CFAP43: variants seen among roughly 807,000 people sequenced by gnomAD.
The protein encoded by CFAP43 is cilia and flagella associated protein 43.
In CFAP43, 155 loss-of-function variants were observed where a neutral mutation model predicts 218.9. That is an observed-to-expected ratio of 0.71 (90% CI 0.62 to 0.81). The LOEUF is 0.81. CFAP43 is among the 30% of genes least tolerant of loss of function. CFAP43 has a pLI of 0.00. For synonymous variants in CFAP43, 645 were observed against 681.3 expected, an observed-to-expected ratio of 0.95 and a Z score of 0.83; for missense variants, 1,778 against 1,954.3, an observed-to-expected ratio of 0.91 and a Z score of 1.70.
chr10:104,175,269 AC>A (rs2089584792), intron 19 of CFAP43, among the ~76,000 whole-genome samples: 1 of 152,056 alleles, frequency 6.6e-6, no homozygotes, highest in Admixed American at 6.6e-5. Context: ...TCAAAAAAAT[AC>A]AAAAATTACT....
rs1165698583 is a variant in CFAP43 at position 104,130,222 on chromosome 10, G to A, written c.4915C>T (p.Gln1639Ter). Residue 1639 changes from glutamine (Q) to a stop codon, truncating the protein, a stop_gained, in exon 38 of 38, where the codon CAA (glutamine) becomes TAA (stop). Transcript: ENST00000357060. LOFTEE classifies it high-confidence loss of function. Reference protein sequence around the residue: ...QQQKLTNISKQQAEQISILQT... With the variant: ...QQQKLTNISK The stretch of plus-strand genomic sequence containing the variant: ...AGTATTGAAATCTGTTCAGCTTGTT[G>A]TTTTGAAATATTTGTTAACTTCTGC... 1.2e-6 allele frequency: 2 copies of A among 1,612,786 alleles called. No homozygotes were observed. The highest frequency in any genetic ancestry group is 8.5e-7 in the Non-Finnish European group (1 of 1,179,646).
chr10:104,196,992 T>G, intron 9 of CFAP43, 59 bp from the exon 10 acceptor site: 1 of 1,358,064 alleles, frequency 7.4e-7, no homozygotes, highest in South Asian at 1.3e-5. Flanking sequence ...TATGGAAGCA[T>G]GTTCTACCTC....
At chr10:104,203,835 A>C (rs1316205266) in intron 7 of CFAP43, 32 bp from the exon 8 acceptor site, 4 of 1,565,668 alleles carry the variant, frequency 2.6e-6, no homozygotes, top group Non-Finnish European at 3.4e-6. Flanking sequence ...ATAGAAAATC[A>C]GTCTTAGTCA....
At chr10:104,159,783 G>C (rs924910646) in intron 27 of CFAP43, among the ~76,000 whole-genome samples, 1 of 152,168 alleles carries the variant, frequency 6.6e-6, no homozygotes, top group Non-Finnish European at 1.5e-5. Flanking sequence ...CTAGGATCCT[G>C]CTACTTAAAG....
At chr10:104,200,106 GA>G (rs1414704102) in intron 8 of CFAP43, among the ~76,000 whole-genome samples, 1 of 152,166 alleles carries the variant, frequency 6.6e-6, no homozygotes. Context: ...GGCTCCAGAG[GA>G]AGGTCTTCAG....
At chr10:104,192,833 C>T (rs1038379715) in intron 11 of CFAP43, 1 of 167,560 alleles carries the variant, frequency 6.0e-6, no homozygotes, top group African/African-American at 2.4e-5. Flanking sequence ...GTTATCCATC[C>T]TTCCCCACTG....
At position 104,214,249 on chromosome 10, in the gene CFAP43, A is replaced by T; in HGVS notation, c.584+10T>A. ...CACCATGTTGCTACTGTTGTAACAA[A>T]GGCTCCTACCTTGCTCTGAAACAAT... On this transcript the variant is annotated intron_variant, in intron 4 of 37. Transcript: ENST00000357060. The T allele has an allele frequency of 6.4e-7, 1 of 1,556,344 alleles. No individual in the cohort carries two copies. Among genetic ancestry groups the T allele is most frequent in the Non-Finnish European group, 8.7e-7 (1 of 1,151,394 alleles).
chr10:104,135,137 A>C (rs2087379695), intron 34 of CFAP43, among the ~76,000 whole-genome samples: 1 of 151,874 alleles, frequency 6.6e-6, no homozygotes, highest in Non-Finnish European at 1.5e-5. Flanking sequence ...TGATCATGTC[A>C]ATTGATGTAG....
At chr10:104,154,128 T>A (rs182676896) in intron 27 of CFAP43, among the ~76,000 whole-genome samples, 191 of 152,338 alleles carry the variant, frequency 1.3e-3, no homozygotes, top group South Asian at 5.0e-3. Flanking sequence ...CCATTTGTAA[T>A]TTATTAATTT....
intron 15 of CFAP43, 129 bp downstream of exon 15, chr10:104,185,845 A>G: frequency 2.9e-6 from 2 of 679,688 alleles, no homozygotes; most frequent in Non-Finnish European, 4.7e-6. Flanking sequence ...AAGCAAGGTA[A>G]TTAGTACCTT....
intron 13 of CFAP43, 84 bp from the exon 14 acceptor site, chr10:104,187,576 C>A: frequency 8.2e-7 from 1 of 1,216,840 alleles, no homozygotes; most frequent in Non-Finnish European, 1.1e-6. Flanking sequence ...TTATGAAAAG[C>A]AAAATAAAAT....
At chr10:104,221,542 C>A (rs895791718) in intron 3 of CFAP43, among the ~76,000 whole-genome samples, 8 of 152,180 alleles carry the variant, frequency 5.3e-5, no homozygotes, top group Non-Finnish European at 1.2e-4. Context: ...TCACCAGAAA[C>A]TGAAGCTGCT....
In CFAP43 at chr10:104,186,138, A is replaced by C. The variant is rs1397099599; in HGVS notation, c.1861-15T>G. 6.8e-7 allele frequency: 1 copy of C among 1,472,306 alleles called. No individual in the cohort carries two copies. Among genetic ancestry groups the C allele is most frequent in the East Asian group, 2.5e-5 (1 of 40,412 alleles). 91.2% of individuals were successfully genotyped at this position (1,472,306 alleles called of 1,614,324 possible). A position where few individuals can be genotyped will look rare whatever the true frequency, so the allele number is the denominator to read the frequency against. On this transcript the variant is annotated splice_polypyrimidine_tract_variant and intron_variant, in intron 14 of 37. Coordinates refer to ENST00000357060, the MANE Select transcript of CFAP43 (RefSeq NM_025145.7). ...CCGGTATGTTCCTGCCAATCAAAGA[A>C]AATAACCACATTATAGAAAAGATCA...
chr10:104,131,720 T>C (rs1264351607), intron 36 of CFAP43, among the ~76,000 whole-genome samples: 1 of 152,190 alleles, frequency 6.6e-6, no homozygotes, highest in Non-Finnish European at 1.5e-5. Flanking sequence ...TGAGAGAATA[T>C]TTTAAAAGCT....
In CFAP43 at chr10:104,161,939, T is replaced by C. The variant is rs1380823364; in HGVS notation, c.3414+22A>G. On this transcript the variant is annotated intron_variant, in intron 26 of 37. Coordinates refer to ENST00000357060, the MANE Select transcript of CFAP43 (RefSeq NM_025145.7). ...TCTTTCCACCCCATTCCACCTTCTA[T>C]AAGGATGAACAGAAATATCACCATT... is the stretch of plus-strand genomic sequence containing the variant. The C allele has an allele frequency of 4.2e-5, 68 of 1,606,764 alleles. No individual in the cohort carries two copies. The East Asian group carries it at 1.4e-3, about 34-fold the overall frequency.
At chr10:104,131,163 A>G (rs2087172501) in intron 37 of CFAP43, among the ~76,000 whole-genome samples, 168 bp downstream of exon 37, 2 of 152,192 alleles carry the variant, frequency 1.3e-5, no homozygotes, top group South Asian at 4.1e-4. Context: ...TACCTAAGTA[A>G]CAAACTTGTA....
chr10:104,172,578 A>T (rs576449560), intron 19 of CFAP43, 43 bp from the exon 20 acceptor site: 1 of 1,495,600 alleles, frequency 6.7e-7, no homozygotes, highest in African/African-American at 1.4e-5. Flanking sequence ...GTAAAGAATT[A>T]AACTGTAATA....
chr10:104,191,240 A>G (rs986404926), intron 12 of CFAP43, among the ~76,000 whole-genome samples: 1 of 152,190 alleles, frequency 6.6e-6, no homozygotes, highest in African/African-American at 2.4e-5. Flanking sequence ...CCACAGAACA[A>G]TTCCAGACTC....
chr10:104,168,372 C>T (rs2089270640), intron 21 of CFAP43, among the ~76,000 whole-genome samples: 1 of 152,172 alleles, frequency 6.6e-6, no homozygotes, highest in South Asian at 2.1e-4. Context: ...TGAGAAACAG[C>T]TCCTTAGAAA....
Sources: gnomAD v4.1 joint callset for allele counts (sites outside exome capture counted in the v4.1 genomes callset) on GRCh38, gnomAD v4.1.1 for gene constraint, MANE v1.5 for transcripts, NCBI Gene and HGNC (gene_info 2026-07-23, HGNC 2026-07-21) for gene names.